ROBO1: variants seen among roughly 807,000 people sequenced by gnomAD.
The protein encoded by ROBO1 is roundabout homolog 1.
ROBO1 carries 149 observed loss-of-function variants against 195.9 expected under a neutral mutation model. That is an observed-to-expected ratio of 0.76 (90% CI 0.67 to 0.87). The LOEUF is 0.87. ROBO1 is among the 40% of genes least tolerant of loss of function. The probability of loss-of-function intolerance (pLI) is 0.00; values close to 1 mark genes in which losing one functional copy is unlikely to be tolerated. For synonymous variants in ROBO1, 816 were observed against 733.2 expected (o/e 1.11, Z -1.82); for missense variants, 1,933 against 2,068.3 (o/e 0.93, Z 1.27).
At chr3:79,173,845 A>G (rs1369104879) in intron 2 of ROBO1, among the ~76,000 whole-genome samples, 1 of 152,042 alleles carries the variant, frequency 6.6e-6, no homozygotes, top group Non-Finnish European at 1.5e-5. Context: ...AAATACACCA[A>G]TCGGCACTCT....
At chr3:78,769,835 T>C (rs1576127840) in intron 4 of ROBO1, among the ~76,000 whole-genome samples, 1 of 152,140 alleles carries the variant, frequency 6.6e-6, no homozygotes, top group Non-Finnish European at 1.5e-5. Flanking sequence ...TCATACATGA[T>C]GCTTGGTTTC....
intron 2 of ROBO1, among the ~76,000 whole-genome samples, chr3:79,285,277 A>G (rs951769101): frequency 2.6e-5 from 4 of 152,180 alleles, no homozygotes; most frequent in South Asian, 2.1e-4. Context: ...TATAGCCCCC[A>G]TGGAAGAATG....
chr3:78,955,271 G>A (rs146940636), intron 3 of ROBO1, among the ~76,000 whole-genome samples: 2,798 of 151,700 alleles, frequency 0.018, 47 homozygotes, highest in Middle Eastern at 0.041. Context: ...GGTAAACTGT[G>A]TGTCATGGGG....
At chr3:79,646,763 T>C (rs1945832363) in intron 1 of ROBO1, among the ~76,000 whole-genome samples, 1 of 152,056 alleles carries the variant, frequency 6.6e-6, no homozygotes, top group African/African-American at 2.4e-5. Context: ...CACAGAAACA[T>C]GGGTAGAACT....
chr3:78,665,163 T>C (rs1436479780), intron 14 of ROBO1, among the ~76,000 whole-genome samples: 1 of 152,144 alleles, frequency 6.6e-6, no homozygotes, highest in Non-Finnish European at 1.5e-5. Flanking sequence ...TAAAAGTCCA[T>C]CTGAAAATGT....
intron 2 of ROBO1, among the ~76,000 whole-genome samples, chr3:79,221,588 A>C (rs138478908): frequency 1.3e-5 from 2 of 152,278 alleles, no homozygotes; most frequent in Admixed American, 1.3e-4. Flanking sequence ...AAGTTTTAAA[A>C]GGTATATTTA....
intron 3 of ROBO1, among the ~76,000 whole-genome samples, chr3:79,104,315 T>G (rs1420493155): frequency 6.6e-6 from 1 of 151,850 alleles, no homozygotes; most frequent in Non-Finnish European, 1.5e-5. Flanking sequence ...GCTGAATTAG[T>G]AGAAACTACC....
rs553520017 is a variant in ROBO1 at position 79,139,345 on chromosome 3, T to A, written c.89-13806A>T. ...TAGAGTGCCTCCTGTATGGAAATCA[T>A]TCTATTGATGGAGAAATGTTCATAA... is the stretch of plus-strand genomic sequence containing the variant. On this transcript the variant is annotated intron_variant, in intron 2 of 30. Coordinates refer to ENST00000464233, the MANE Select transcript of ROBO1 (RefSeq NM_002941.4). Among the ~76,000 whole-genome samples, 11 of 152,244 alleles carry A rather than the reference T, an allele frequency of 7.2e-5. No homozygotes were observed. In the East Asian group the frequency reaches 2.1e-3, roughly 29 times the overall value.
At chr3:78,751,729 A>C (rs2082801728) in intron 4 of ROBO1, among the ~76,000 whole-genome samples, 1 of 152,094 alleles carries the variant, frequency 6.6e-6, no homozygotes, top group Non-Finnish European at 1.5e-5. Context: ...AGGACACTAC[A>C]TTTTCAGAAT....
At chr3:79,275,446 A>G (rs1046999556) in intron 2 of ROBO1, among the ~76,000 whole-genome samples, 1 of 151,996 alleles carries the variant, frequency 6.6e-6, no homozygotes, top group Non-Finnish European at 1.5e-5. Flanking sequence ...CATGAAAAAA[A>G]CCCTCAAAAA....
intron 1 of ROBO1, among the ~76,000 whole-genome samples, chr3:79,663,401 A>G (rs1946387567): frequency 6.6e-6 from 1 of 152,080 alleles, no homozygotes; most frequent in Non-Finnish European, 1.5e-5. Flanking sequence ...CCAGATTTCC[A>G]ATTTTTGACA....
intron 4 of ROBO1, among the ~76,000 whole-genome samples, chr3:78,834,930 T>G (rs2032572388): frequency 6.6e-6 from 1 of 152,206 alleles, no homozygotes; most frequent in Admixed American, 6.5e-5. Context: ...AAACTTTTGC[T>G]TATATAATGA....
At chr3:78,831,539 G>A (rs996456312) in intron 4 of ROBO1, among the ~76,000 whole-genome samples, 2 of 152,086 alleles carry the variant, frequency 1.3e-5, no homozygotes, top group African/African-American at 4.8e-5. Context: ...GTTCAGTTGT[G>A]CACAGTACAG....
chr3:79,430,925 A>G (rs1052116881), intron 2 of ROBO1, among the ~76,000 whole-genome samples: 1 of 152,086 alleles, frequency 6.6e-6, no homozygotes, highest in Admixed American at 6.6e-5. Context: ...CCAAATTTTT[A>G]TTGTTATTGT....
rs148597834 is a variant in ROBO1 at position 78,826,791 on chromosome 3, A to C, written c.500-79891T>G. Among the ~76,000 whole-genome samples, 1,192 of 152,278 alleles carry C rather than the reference A, an allele frequency of 7.8e-3. 11 individuals carry two copies. The highest frequency in any genetic ancestry group is 0.027 in the African/African-American group (1,134 of 41,558). On this transcript the variant is annotated intron_variant, in intron 4 of 30. Coordinates refer to ENST00000464233, the MANE Select transcript of ROBO1 (RefSeq NM_002941.4). ...TATATTTGTTTCTTATACAACCTAC[A>C]CATTTATACATTAGGTATTGACACC... is the stretch of plus-strand genomic sequence containing the variant.
rs192524059 is a variant in ROBO1, at chr3:79,203,241, T to G, written c.89-77702A>C. ...TTATTGCCCGGCCAAAGAGTTACAT[T>G]TTGATATTTAAATATCAGTGGTTCT... On this transcript the variant is annotated intron_variant, in intron 2 of 30. Transcript: ENST00000464233. 2.2e-4 allele frequency among the ~76,000 whole-genome samples: 34 copies of G among 152,276 alleles called. 1 individual carries two copies. In the East Asian group the frequency reaches 6.4e-3, roughly 29 times the overall value.
chr3:79,663,473 T>A (rs1156251328), intron 1 of ROBO1, among the ~76,000 whole-genome samples: 1 of 152,040 alleles, frequency 6.6e-6, no homozygotes, highest in Non-Finnish European at 1.5e-5. Context: ...TTCTTACTTT[T>A]ACATTAATTT....
At chr3:79,546,077 TGTATA>T (rs1345961026) in intron 2 of ROBO1, among the ~76,000 whole-genome samples, 8 of 152,106 alleles carry the variant, frequency 5.3e-5, no homozygotes, top group African/African-American at 9.7e-5. Flanking sequence ...TTCCACTTAA[TGTATA>T]GTAAATATTT....
intron 1 of ROBO1, among the ~76,000 whole-genome samples, chr3:79,647,840 C>A (rs1433468481): frequency 6.6e-6 from 1 of 151,860 alleles, no homozygotes; most frequent in Non-Finnish European, 1.5e-5. Context: ...GAAAAAAAAC[C>A]GATTCCCGTA....
Sources: gnomAD v4.1 joint callset for allele counts (sites outside exome capture counted in the v4.1 genomes callset) on GRCh38, gnomAD v4.1.1 for gene constraint, MANE v1.5 for transcripts, NCBI Gene and HGNC (gene_info 2026-07-23, HGNC 2026-07-21) for gene names.